Variants in THSD7B observed in about 807,000 individuals in gnomAD.
THSD7B encodes thrombospondin type 1 domain containing 7B.
Under a neutral mutation model 213.6 loss-of-function variants are expected in THSD7B, and 138 were observed. The observed-to-expected ratio is 0.65, with a 90% CI of 0.56 to 0.74. THSD7B has a LOEUF of 0.74. Among genes scored for constraint, THSD7B ranks in the 30% least tolerant of loss-of-function variants. The pLI is 0.00. For missense variants in THSD7B, 1,931 were observed against 1,991.5 expected, an observed-to-expected ratio of 0.97 and a Z score of 0.58; for synonymous variants, 742 against 687.0, an observed-to-expected ratio of 1.08 and a Z score of -1.25.
intron 3 of THSD7B, among the ~76,000 whole-genome samples, chr2:137,079,215 T>C (rs1460548836): frequency 2.6e-5 from 4 of 152,174 alleles, no homozygotes; most frequent in Non-Finnish European, 5.9e-5. Context: ...TATTCTCTAT[T>C]ATCGATGTGA....
At chr2:137,612,674 A>G (rs1682310290) in intron 17 of THSD7B, among the ~76,000 whole-genome samples, 1 of 152,152 alleles carries the variant, frequency 6.6e-6, no homozygotes, top group African/African-American at 2.4e-5. Flanking sequence ...TTCTCATTAT[A>G]TTTGACTAGG....
At chr2:136,976,685 G>C (rs765220227) in intron 2 of THSD7B, among the ~76,000 whole-genome samples, 4 of 150,262 alleles carry the variant, frequency 2.7e-5, no homozygotes, top group African/African-American at 7.4e-5. Flanking sequence ...TCAGTGGTAC[G>C]ATCTCGGCTC....
At chr2:136,919,352 G>C (rs1480300101) in intron 2 of THSD7B, among the ~76,000 whole-genome samples, 1 of 152,178 alleles carries the variant, frequency 6.6e-6, no homozygotes, top group African/African-American at 2.4e-5. Context: ...TTTTTGTAGT[G>C]TTTCCTTCCC....
At chr2:137,221,289 A>AAC (rs1681364972) in intron 7 of THSD7B, among the ~76,000 whole-genome samples, 1 of 152,110 alleles carries the variant, frequency 6.6e-6, no homozygotes, top group African/African-American at 2.4e-5. Context: ...TCCGTCTCAA[A>AAC]AAAAACAAAA....
At chr2:137,384,367 T>C (rs1233483692) in intron 12 of THSD7B, among the ~76,000 whole-genome samples, 1 of 152,224 alleles carries the variant, frequency 6.6e-6, no homozygotes, top group East Asian at 1.9e-4. Context: ...TGTCTGCCAT[T>C]ATAACTTCAG....
At chr2:137,130,898 A>G (rs1356399694) in intron 5 of THSD7B, among the ~76,000 whole-genome samples, 1 of 150,922 alleles carries the variant, frequency 6.6e-6, no homozygotes, top group Non-Finnish European at 1.5e-5. Flanking sequence ...ATACCCAGTA[A>G]TGGGATGGCT....
chr2:137,481,924 T>C (rs1261859000), intron 15 of THSD7B, among the ~76,000 whole-genome samples: 1 of 152,146 alleles, frequency 6.6e-6, no homozygotes, highest in Non-Finnish European at 1.5e-5. Context: ...ACACCTGTAA[T>C]CCCAGCACTT....
intron 2 of THSD7B, among the ~76,000 whole-genome samples, chr2:136,952,434 C>CTTTTTTTT (rs35848268): frequency 8.8e-4 from 111 of 125,586 alleles, no homozygotes; most frequent in African/African-American, 2.7e-3. Flanking sequence ...GGGCAGAAAA[C>CTTTTTTTT]TTTTTTTTTT....
At chr2:137,265,809 C>A (rs1254584681) in intron 10 of THSD7B, among the ~76,000 whole-genome samples, 1 of 152,176 alleles carries the variant, frequency 6.6e-6, no homozygotes, top group East Asian at 1.9e-4. Flanking sequence ...CAAACCAAGA[C>A]ATTTATGAGA....
intron 12 of THSD7B, among the ~76,000 whole-genome samples, chr2:137,293,139 A>G (rs1530949): frequency 0.099 from 14,971 of 150,658 alleles, 1,296 homozygotes; most frequent in East Asian, 0.43. Context: ...TTTTTGACAG[A>G]TAGTCTTTTT....
chr2:136,923,707 G>A (rs1359716002), intron 2 of THSD7B, among the ~76,000 whole-genome samples: 1 of 152,102 alleles, frequency 6.6e-6, no homozygotes, highest in Non-Finnish European at 1.5e-5. Context: ...TATGATTAGT[G>A]ACCTTGATTA....
At position 136,942,300 on chromosome 2, in the gene THSD7B, T is replaced by C. The variant is rs112484814; in HGVS notation, c.139+59983T>C. 2.4e-3 allele frequency among the ~76,000 whole-genome samples: 367 copies of C among 152,294 alleles called. 3 individuals carry two copies. Among genetic ancestry groups the C allele is most frequent in the Middle Eastern group, 0.014 (4 of 294 alleles). On this transcript the variant is annotated intron_variant, in intron 2 of 27. Transcript: ENST00000409968. The stretch of plus-strand genomic sequence containing the variant: ...TAGCATGATGCCTCCAGCTTTGTTA[T>C]TTTTGGTTGGGATTGTCTTGGCAAT...
At chr2:137,502,645 A>T (rs766382408) in intron 15 of THSD7B, among the ~76,000 whole-genome samples, 2 of 152,200 alleles carry the variant, frequency 1.3e-5, no homozygotes, top group Non-Finnish European at 2.9e-5. Flanking sequence ...TCATAACTAC[A>T]ATCAATAACT....
intron 20 of THSD7B, among the ~76,000 whole-genome samples, chr2:137,627,226 G>T (rs148787509): frequency 1.2e-4 from 18 of 152,308 alleles, no homozygotes; most frequent in African/African-American, 4.3e-4. Flanking sequence ...CCAAGGGAGG[G>T]CATTAATTTA....
At chr2:136,990,833 C>T in intron 2 of THSD7B, 2 of 1,279,068 alleles carry the variant, frequency 1.6e-6, no homozygotes, top group East Asian at 1.1e-4. Flanking sequence ...CTTCTGAGTA[C>T]TGAGCATTTT....
In THSD7B at chr2:137,620,683, G is replaced by A. The variant is rs375388852; in HGVS notation, c.3756G>A (p.Gly1252=). The change falls in exon 20 of 28, where the codon GGG becomes GGA. Residue 1252 remains glycine (G), a synonymous_variant. Coordinates refer to ENST00000409968, the MANE Select transcript of THSD7B (RefSeq NM_001316349.2). ...VECVVNCQLS[G]WTAWTECSQT... ...GCGTGGTCAACTGTCAGCTCTCAGGGTGGACGGCTTGGACAGAGTGTTCAC... is the reference window on the plus strand; with the variant it reads ...GCGTGGTCAACTGTCAGCTCTCAGGATGGACGGCTTGGACAGAGTGTTCAC... The A allele has an allele frequency of 3.1e-6, 5 of 1,613,848 alleles. No individual in the cohort carries two copies. The highest frequency in any genetic ancestry group is 3.3e-5 in the Admixed American group (2 of 60,002).
chr2:137,671,352 T>C (rs964007537), intron 27 of THSD7B, among the ~76,000 whole-genome samples: 1 of 152,018 alleles, frequency 6.6e-6, no homozygotes, highest in Non-Finnish European at 1.5e-5. Flanking sequence ...GAAAGATAAT[T>C]TTAGGAGGAA....
At chr2:137,563,179 G>A (rs1681157747) in intron 15 of THSD7B, 42 bp from the exon 16 acceptor site, 3 of 1,598,472 alleles carry the variant, frequency 1.9e-6, no homozygotes, top group Non-Finnish European at 1.7e-6. Flanking sequence ...TCTATAAGTT[G>A]GATAGTTCCA....
intron 2 of THSD7B, among the ~76,000 whole-genome samples, chr2:137,044,667 A>G (rs145082027): frequency 5.9e-5 from 9 of 152,336 alleles, no homozygotes; most frequent in African/African-American, 2.2e-4. Context: ...TAATAATATT[A>G]TAATAAAAAC....
Sources: allele counts gnomAD v4.1 joint callset (sites outside exome capture counted in the v4.1 genomes callset), GRCh38; gene constraint gnomAD v4.1.1; transcripts MANE v1.5; gene names NCBI Gene and HGNC (gene_info 2026-07-23, HGNC 2026-07-21).